Variants in RBFOX1 observed in about 807,000 individuals in gnomAD.
The protein encoded by RBFOX1 is RNA binding protein fox-1 homolog 1.
A neutral mutation model predicts 57.7 loss-of-function variants in RBFOX1; 8 were observed. The observed-to-expected ratio is 0.14, with a 90% CI of 0.08 to 0.25. The LOEUF is 0.25. Ranked by LOEUF, RBFOX1 falls within the 10% of genes least tolerant of loss-of-function variation. The probability of loss-of-function intolerance (pLI) is 1.00; values close to 1 mark genes in which losing one functional copy is unlikely to be tolerated. For missense variants in RBFOX1, 611 were observed against 548.5 expected (o/e 1.11, Z -1.14); for synonymous variants, 326 against 222.4 (o/e 1.47, Z -4.15).
At chr16:5,956,184 G>A (rs952902237) in intron 4 of RBFOX1, among the ~76,000 whole-genome samples, 4 of 152,114 alleles carry the variant, frequency 2.6e-5, no homozygotes, top group African/African-American at 7.2e-5. Flanking sequence ...GGTGAGGCAC[G>A]AGGATTGCTT....
At chr16:7,475,833 C>T (rs984240666) in intron 4 of RBFOX1, among the ~76,000 whole-genome samples, 8 of 152,178 alleles carry the variant, frequency 5.3e-5, no homozygotes, top group African/African-American at 1.9e-4. Flanking sequence ...ATGTTGGTAA[C>T]AGATTATAAA....
intron 4 of RBFOX1, among the ~76,000 whole-genome samples, chr16:7,299,064 T>G (rs1284242117): frequency 6.6e-6 from 1 of 152,222 alleles, no homozygotes; most frequent in African/African-American, 2.4e-5. Flanking sequence ...AGAATTAGAA[T>G]AGTTACTTTG....
chr16:6,768,495 C>T (rs2077736966), intron 3 of RBFOX1, among the ~76,000 whole-genome samples: 3 of 151,768 alleles, frequency 2.0e-5, no homozygotes, highest in Admixed American at 2.0e-4. Flanking sequence ...CTTCCCTTCC[C>T]AGAGAAAACT....
At chr16:6,448,565 C>G (rs2094533010) in intron 2 of RBFOX1, among the ~76,000 whole-genome samples, 1 of 152,116 alleles carries the variant, frequency 6.6e-6, no homozygotes, top group Non-Finnish European at 1.5e-5. Flanking sequence ...CTAGACTTTA[C>G]CTGCCCATAG....
At chr16:6,147,079 G>A (rs892066442) in intron 1 of RBFOX1, among the ~76,000 whole-genome samples, 1 of 152,124 alleles carries the variant, frequency 6.6e-6, no homozygotes, top group Admixed American at 6.6e-5. Context: ...TCAGGCCCCA[G>A]CTTCCACCCA....
intron 3 of RBFOX1, among the ~76,000 whole-genome samples, chr16:6,974,746 C>T (rs570623054): frequency 2.0e-5 from 3 of 152,192 alleles, no homozygotes; most frequent in East Asian, 3.9e-4. Flanking sequence ...TTAACTGAAA[C>T]TCACCAGAGG....
chr16:5,243,331 C>G (rs1433426653), intron 1 of RBFOX1, among the ~76,000 whole-genome samples: 1 of 152,194 alleles, frequency 6.6e-6, no homozygotes, highest in Non-Finnish European at 1.5e-5. Flanking sequence ...CTGATGGACG[C>G]ACCAGATAAA....
At chr16:6,004,163 G>A (rs1040662950) in intron 4 of RBFOX1, among the ~76,000 whole-genome samples, 6 of 152,084 alleles carry the variant, frequency 3.9e-5, no homozygotes, top group South Asian at 2.1e-4. Flanking sequence ...AAACCTGCAC[G>A]TCTTACACAT....
At chr16:7,190,858 G>T (rs973787841) in intron 4 of RBFOX1, among the ~76,000 whole-genome samples, 3 of 152,194 alleles carry the variant, frequency 2.0e-5, no homozygotes, top group Non-Finnish European at 4.4e-5. Flanking sequence ...GATGAACAAG[G>T]ATTGACTATT....
At chr16:6,201,375 T>G (rs1021788639) in intron 1 of RBFOX1, among the ~76,000 whole-genome samples, 1 of 152,110 alleles carries the variant, frequency 6.6e-6, no homozygotes, top group Non-Finnish European at 1.5e-5. Flanking sequence ...CCGAGGAACC[T>G]CCATACTGTT....
intron 4 of RBFOX1, among the ~76,000 whole-genome samples, chr16:7,105,045 T>C (rs564153859): frequency 1.3e-5 from 2 of 152,220 alleles, no homozygotes; most frequent in Admixed American, 1.3e-4. Flanking sequence ...CACCTACAGA[T>C]CTCCACTTAC....
chr16:6,227,454 A>G (rs2097426441), intron 1 of RBFOX1, among the ~76,000 whole-genome samples: 1 of 152,248 alleles, frequency 6.6e-6, no homozygotes, highest in South Asian at 2.1e-4. Flanking sequence ...AAACAACAGT[A>G]GCAAACCTTG....
Position 5,990,335 on chromosome 16 carries a change from A to C in RBFOX1, c.351+123000A>C, listed in dbSNP as rs78640457. 4.9e-3 allele frequency among the ~76,000 whole-genome samples: 742 copies of C among 152,284 alleles called. 8 individuals are homozygous for C. Among genetic ancestry groups the C allele is most frequent in the African/African-American group, 0.017 (705 of 41,544 alleles). On this transcript the variant is annotated intron_variant, in intron 4 of 19. Transcript: ENST00000641259. ...GATTTCCACTGGCCGTAATGGAAAG[A>C]ATCAGCTGGCCTTGGGCAATGAACT...
At chr16:7,305,462 C>T (rs1286396059) in intron 4 of RBFOX1, among the ~76,000 whole-genome samples, 1 of 152,082 alleles carries the variant, frequency 6.6e-6, no homozygotes, top group African/African-American at 2.4e-5. Flanking sequence ...TCCTTTCTCC[C>T]TCCCAGGATC....
At chr16:7,703,200 A>T (rs2081336188) in intron 14 of RBFOX1, among the ~76,000 whole-genome samples, 1 of 152,214 alleles carries the variant, frequency 6.6e-6, no homozygotes, top group Admixed American at 6.5e-5. Flanking sequence ...TATGCCTTAG[A>T]TATAAGGATA....
At chr16:7,116,733 G>A (rs1466439976) in intron 4 of RBFOX1, among the ~76,000 whole-genome samples, 2 of 152,152 alleles carry the variant, frequency 1.3e-5, no homozygotes, top group South Asian at 2.1e-4. Context: ...GACAGGCTCT[G>A]GAGATGTCCG....
At position 7,486,341 on chromosome 16, in the gene RBFOX1, C is replaced by T. The variant is rs185556523; in HGVS notation, c.28-31806C>T. 5.3e-5 allele frequency among the ~76,000 whole-genome samples: 8 copies of T among 151,992 alleles called. No homozygotes were observed. In the East Asian group the frequency reaches 1.6e-3, roughly 29 times the overall value. On this transcript the variant is annotated intron_variant, in intron 4 of 15. Transcript: ENST00000550418. The stretch of plus-strand genomic sequence containing the variant: ...AGAGATGCGGTTTCACCATGTTGGC[C>T]AGGCTGGTCTCGAACACCTGACCTC...
chr16:7,260,863 C>G (rs1253520641), intron 4 of RBFOX1, among the ~76,000 whole-genome samples: 1 of 152,154 alleles, frequency 6.6e-6, no homozygotes, highest in Non-Finnish European at 1.5e-5. Flanking sequence ...GAACCCCTAT[C>G]TAATTAAGAG....
intron 3 of RBFOX1, among the ~76,000 whole-genome samples, chr16:6,714,968 G>T (rs919718969): frequency 6.6e-6 from 1 of 152,132 alleles, no homozygotes; most frequent in Non-Finnish European, 1.5e-5. Flanking sequence ...AAGGAATTGT[G>T]GTTAAGCCTC....
Sources: allele counts gnomAD v4.1 joint callset (sites outside exome capture counted in the v4.1 genomes callset), GRCh38; gene constraint gnomAD v4.1.1; transcripts MANE v1.5; gene names NCBI Gene and HGNC (gene_info 2026-07-23, HGNC 2026-07-21).